Variants in CSMD1 observed in about 807,000 individuals in gnomAD.
CSMD1 encodes CUB and Sushi multiple domains 1.
CSMD1 carries 213 observed loss-of-function variants against 417.5 expected under a neutral mutation model. That is an observed-to-expected ratio of 0.51 (90% CI 0.46 to 0.57). The LOEUF is 0.57. Among genes scored for constraint, CSMD1 ranks in the 20% least tolerant of loss-of-function variants. The probability of loss-of-function intolerance (pLI) is 0.00; values close to 1 mark genes in which losing one functional copy is unlikely to be tolerated. For missense variants in CSMD1, 6,923 were observed against 4,529.7 expected (o/e 1.53, Z -15.17); for synonymous variants, 2,862 against 1,736.8 (o/e 1.65, Z -16.11).
chr8:4,588,387 CTATCTCATAAAGACAG>C (rs1799811267), intron 2 of CSMD1, among the ~76,000 whole-genome samples: 1 of 61,828 alleles, frequency 1.6e-5, no homozygotes, highest in African/African-American at 5.5e-5. Context: ...AGATAAAGAA[CTATCTCATAAAGACAG>C]AGATAAAGAA....
chr8:3,007,390 A>C (rs1288926468), intron 52 of CSMD1, among the ~76,000 whole-genome samples: 5 of 151,742 alleles, frequency 3.3e-5, no homozygotes, highest in Non-Finnish European at 2.9e-5. Flanking sequence ...AGAAGTAGAA[A>C]TACCATTTGA....
chr8:4,096,674 C>G (rs148731820), intron 3 of CSMD1, among the ~76,000 whole-genome samples: 1 of 152,174 alleles, frequency 6.6e-6, no homozygotes, highest in Non-Finnish European at 1.5e-5. Context: ...CATAAGGCAA[C>G]AAATTCAGAC....
chr8:4,165,538 G>A (rs764017995), intron 3 of CSMD1, among the ~76,000 whole-genome samples: 1 of 152,052 alleles, frequency 6.6e-6, no homozygotes, highest in African/African-American at 2.4e-5. Context: ...CAAGTAGGTG[G>A]GACCTCCGGT....
At chr8:3,498,318 C>T (rs957825345) in intron 10 of CSMD1, among the ~76,000 whole-genome samples, 2 of 152,152 alleles carry the variant, frequency 1.3e-5, no homozygotes, top group Non-Finnish European at 2.9e-5. Context: ...TACTTTGATA[C>T]ATGTATACAA....
chr8:3,489,867 G>A lies in CSMD1; in HGVS notation c.1448+3756C>T, dbSNP rs58962620. 2.6e-3 allele frequency among the ~76,000 whole-genome samples: 392 copies of A among 152,268 alleles called. 4 individuals carry two copies. The highest frequency in any genetic ancestry group is 9.1e-3 in the African/African-American group (377 of 41,558). On this transcript the variant is annotated intron_variant, in intron 11 of 69. Coordinates refer to ENST00000635120, the MANE Select transcript of CSMD1 (RefSeq NM_033225.6). ...TGGAAACCCACAAAATATTGAGTTT[G>A]AAGTAGTGAATGCCAGTCTGCCATG...
intron 5 of CSMD1, among the ~76,000 whole-genome samples, chr8:3,909,221 C>T (rs984946502): frequency 2.0e-5 from 3 of 152,136 alleles, no homozygotes; most frequent in African/African-American, 7.2e-5. Context: ...GTTATCCTCT[C>T]AACCTCGTCC....
intron 5 of CSMD1, among the ~76,000 whole-genome samples, chr8:3,788,380 C>G (rs1407145929): frequency 6.6e-6 from 1 of 152,116 alleles, no homozygotes; most frequent in Non-Finnish European, 1.5e-5. Flanking sequence ...CCCACAGCAG[C>G]CTTCATTGGT....
rs905553082 is a variant in CSMD1 at position 3,176,840 on chromosome 8, G to A, written c.5725+4270C>T. On this transcript the variant is annotated intron_variant, in intron 37 of 69. Transcript: ENST00000635120. ...GTCTCCCAGGCTAAAGTGCAGTGGT[G>A]CAATCATGGCTGTCTGTAGCCTCGG... 3.3e-5 allele frequency among the ~76,000 whole-genome samples: 5 copies of A among 150,378 alleles called. No individual in the cohort carries two copies. In the Admixed American group the frequency reaches 3.3e-4, roughly 10 times the overall value.
chr8:4,773,939 A>G (rs967066196), intron 1 of CSMD1, among the ~76,000 whole-genome samples: 7 of 152,208 alleles, frequency 4.6e-5, no homozygotes, highest in African/African-American at 1.7e-4. Flanking sequence ...CTCACGCCTG[A>G]AATCTCAGCA....
intron 2 of CSMD1, among the ~76,000 whole-genome samples, chr8:4,506,166 C>T (rs543874051): frequency 1.3e-5 from 2 of 152,042 alleles, no homozygotes; most frequent in Non-Finnish European, 2.9e-5. Context: ...AAAGTAATTG[C>T]GGTTTTTGCT....
chr8:3,740,307 T>C (rs376247665), intron 6 of CSMD1, among the ~76,000 whole-genome samples: 60 of 152,190 alleles, frequency 3.9e-4, no homozygotes, highest in Non-Finnish European at 5.9e-4. Flanking sequence ...GGTTTGACCA[T>C]GTTGGACAGG....
intron 3 of CSMD1, among the ~76,000 whole-genome samples, chr8:4,327,185 G>A (rs892957443): frequency 2.7e-4 from 41 of 152,252 alleles, no homozygotes; most frequent in African/African-American, 9.4e-4. Context: ...TATATATAAT[G>A]CAGAAATAAC....
rs547995270 is a variant in CSMD1, at chr8:3,383,135, T to C, written c.2782+4359A>G. ...CAAATTTTTAGATGGATTGAAGTTA[T>C]AAATTTAAAAGATAAACATAAGTTT... On this transcript the variant is annotated intron_variant, in intron 18 of 69. Transcript: ENST00000635120. Among the ~76,000 whole-genome samples the C allele has an allele frequency of 7.9e-5, 12 of 152,254 alleles. 1 individual carries two copies. The Middle Eastern group carries it at 0.01, about 129-fold the overall frequency.
intron 5 of CSMD1, among the ~76,000 whole-genome samples, chr8:3,811,906 G>A (rs1585034341): frequency 6.6e-6 from 1 of 152,062 alleles, no homozygotes; most frequent in Non-Finnish European, 1.5e-5. Flanking sequence ...AGCCTACAAA[G>A]TCTTAACAAA....
chr8:3,770,127 CA>C (rs1401309760), intron 5 of CSMD1, among the ~76,000 whole-genome samples: 1 of 152,220 alleles, frequency 6.6e-6, no homozygotes, highest in Non-Finnish European at 1.5e-5. Flanking sequence ...CTGTCTCCAG[CA>C]GGAGACTAAA....
chr8:3,997,466 A>T (rs1280575215), intron 5 of CSMD1, among the ~76,000 whole-genome samples: 1 of 152,216 alleles, frequency 6.6e-6, no homozygotes, highest in Non-Finnish European at 1.5e-5. Flanking sequence ...GTGGCTACAG[A>T]ATGTGGTACA....
chr8:4,530,314 C>CTTTTTTTTTTTTTTTTTTTTTTTTT lies in CSMD1; in HGVS notation c.302+107003_302+107027dup. ...TTCACAGTTTATCGTACAGGTAGTG[C>CTTTTTTTTTTTTTTTTTTTTTTTTT]TTTTTTTTTTTTTTTTTTTTTTTTT... On this transcript the variant is annotated intron_variant, in intron 2 of 69. Transcript: ENST00000635120. Among the ~76,000 whole-genome samples, 2 of 46,658 alleles carry CTTTTTTTTTTTTTTTTTTTTTTTTT rather than the reference C, an allele frequency of 4.3e-5. 1 individual carries two copies. Among genetic ancestry groups the CTTTTTTTTTTTTTTTTTTTTTTTTT allele is most frequent in the Non-Finnish European group, 7.4e-5 (2 of 27,188 alleles). The allele number at this position is 46,658 out of a possible 152,430, so 30.6% of individuals were successfully genotyped here.
intron 37 of CSMD1, among the ~76,000 whole-genome samples, chr8:3,163,555 T>A (rs1211735081): frequency 6.6e-6 from 1 of 151,980 alleles, no homozygotes; most frequent in Non-Finnish European, 1.5e-5. Flanking sequence ...GCCAGTCAGC[T>A]TTCCCTGCTT....
chr8:3,435,581 C>A (rs938542205), intron 12 of CSMD1, among the ~76,000 whole-genome samples: 1 of 152,118 alleles, frequency 6.6e-6, no homozygotes, highest in African/African-American at 2.4e-5. Context: ...CTCGTCATGT[C>A]TGTCTTCTAA....
Sources: allele counts gnomAD v4.1 joint callset (sites outside exome capture counted in the v4.1 genomes callset), GRCh38; gene constraint gnomAD v4.1.1; transcripts MANE v1.5; gene names NCBI Gene and HGNC (gene_info 2026-07-23, HGNC 2026-07-21).